The following CYP2F1 variants were observed in gnomAD, a reference collection of about 807,000 sequenced individuals.
CYP2F1 encodes the protein cytochrome P450 family 2 subfamily F member 1, also known as cytochrome P450 2F1.
CYP2F1 carries 33 observed loss-of-function variants against 40.4 expected under a neutral mutation model. That is an observed-to-expected ratio of 0.82 (90% CI 0.62 to 1.09). The LOEUF (loss-of-function observed/expected upper bound fraction) is 1.09, where lower values mean the gene tolerates loss of function less well. Ranked by LOEUF, CYP2F1 falls within the 50% of genes least tolerant of loss-of-function variation. The pLI, the probability that CYP2F1 is intolerant of heterozygous loss-of-function variation, is 0.00. For synonymous variants in CYP2F1, 235 were observed against 277.2 expected, an observed-to-expected ratio of 0.85 and a Z score of 1.51; for missense variants, 566 against 655.7, an observed-to-expected ratio of 0.86 and a Z score of 1.49.
At position 41,119,683 on chromosome 19, in the gene CYP2F1, G is replaced by A. The variant is rs1279503090; in HGVS notation, c.335-664G>A. On this transcript the variant is annotated intron_variant, in intron 3 of 9. Transcript: ENST00000331105. Reference sequence around the variant, plus strand: ...CAGCCTGGCAACAGAGCAAGACTCCGTCTCTCTCTCTCTCTCTCTCTCTCT... The same window carrying A: ...CAGCCTGGCAACAGAGCAAGACTCCATCTCTCTCTCTCTCTCTCTCTCTCT... Among the ~76,000 whole-genome samples the A allele has an allele frequency of 2.2e-4, 3 of 13,410 alleles. 1 individual carries two copies. The highest frequency in any genetic ancestry group is 7.7e-4 in the African/African-American group (3 of 3,910). The allele number at this position is 13,410 out of a possible 152,430, so 8.8% of individuals were successfully genotyped here.
At chr19:41,123,226 C>T (rs1377502651) in intron 7 of CYP2F1, 1 of 553,980 alleles carries the variant, frequency 1.8e-6, no homozygotes. Flanking sequence ...GAGACGGAGT[C>T]TGGCTCTGTC....
chr19:41,123,474 T>TC, intron 7 of CYP2F1: 1 of 333,544 alleles, frequency 3.0e-6, no homozygotes, highest in South Asian at 2.4e-5. Context: ...TGCCTCAGCC[T>TC]CCCAAAGTGC....
intron 5 of CYP2F1, 30 bp downstream of exon 5, chr19:41,121,648 G>C (rs200646568): frequency 0.084 from 133,483 of 1,588,930 alleles, 7,591 homozygotes; most frequent in Admixed American, 0.18. Flanking sequence ...CAGGGGCAGG[G>C]TGTGGGGTCC....
In CYP2F1 at chr19:41,128,063, T is replaced by C. The variant is rs1340054820; in HGVS notation, c.1457T>C (p.Leu486Pro). The C allele has an allele frequency of 1.9e-6, 3 of 1,606,546 alleles. No individual in the cohort carries two copies. Among genetic ancestry groups the C allele is most frequent in the South Asian group, 1.1e-5 (1 of 90,820 alleles). The change falls in exon 10 of 10, where the codon CTG becomes CCG. Residue 486 changes from leucine to proline, a missense_variant. Leu to Pro is a moderately conservative substitution (Grantham distance 98). Transcript: ENST00000331105. ...GGCAATTTGCCGCGGCCTTTCCAGC[T>C]GTGCCTGCGCCCGCGCTAACGCCCC... ...GLGNLPRPFQ[L>P]CLRPR
At chr19:41,117,645 G>A (rs990559972) in intron 3 of CYP2F1, among the ~76,000 whole-genome samples, 1 of 151,914 alleles carries the variant, frequency 6.6e-6, no homozygotes, top group Admixed American at 6.6e-5. Context: ...CACATCACCA[G>A]CTTCAAATAC....
At position 41,116,040 on chromosome 19, in the gene CYP2F1, C is replaced by A. The variant is rs1239297642; in HGVS notation, c.-11-138C>A. 6 of 717,492 alleles carry A rather than the reference C, an allele frequency of 8.4e-6. No individual in the cohort carries two copies. In the Admixed American group the frequency reaches 1.7e-4, roughly 21 times the overall value. 44.4% of individuals were successfully genotyped at this position (717,492 alleles called of 1,614,324 possible). A position where few individuals can be genotyped will look rare whatever the true frequency, so the allele number is the denominator to read the frequency against. On this transcript the variant is annotated intron_variant, in intron 1 of 9. Coordinates refer to ENST00000331105, the MANE Select transcript of CYP2F1 (RefSeq NM_000774.5). ...CTCTTTCCTCCTTTCTCCCTCCCTT[C>A]CCCATCCCCTGGCCTCTCCCTGTCT...
chr19:41,127,534 GTGTTGCCCAGGCTGC>G (rs1322720529), intron 9 of CYP2F1, among the ~76,000 whole-genome samples: 11 of 152,174 alleles, frequency 7.2e-5, no homozygotes, highest in Non-Finnish European at 2.9e-5. Context: ...GGATCTTGCT[GTGTTGCCCAGGCTGC>G]TCTCAAACTC....
rs1011909671 is a variant in CYP2F1 at position 41,127,965 on chromosome 19, C to G, written c.1359C>G (p.Ile453Met). 1 of 1,613,570 alleles carries G rather than the reference C, an allele frequency of 6.2e-7. No individual in the cohort carries two copies. Among genetic ancestry groups the G allele is most frequent in the Non-Finnish European group, 8.5e-7 (1 of 1,179,984 alleles). ...RMELFLYLTA[I>M]LQSFSLQPLG... ...AGCTCTTTCTGTACCTCACCGCCAT[C>G]CTGCAGAGCTTTTCGCTGCAGCCGC... Residue 453 changes from isoleucine (I) to methionine (M), a missense_variant, in exon 10 of 10, where the codon ATC (isoleucine) becomes ATG (methionine). This residue lies in a region of CYP2F1 where 85 missense variants were observed against 84.9 expected (regional missense o/e 1.00). Coordinates refer to ENST00000331105, the MANE Select transcript of CYP2F1 (RefSeq NM_000774.5).
chr19:41,119,748 T>TATATATATATATATACATATACAC, intron 3 of CYP2F1, among the ~76,000 whole-genome samples: 1 of 36,104 alleles, frequency 2.8e-5, no homozygotes, highest in East Asian at 1.2e-3. Flanking sequence ...TATATATATA[T>TATATATATATATATACATATACAC]ACACACACAC....
At chr19:41,124,227 CT>C (rs60423713) in intron 7 of CYP2F1, among the ~76,000 whole-genome samples, 7,641 of 56,304 alleles carry the variant, frequency 0.14, 882 homozygotes, top group African/African-American at 0.24. Context: ...CTGGCTAATT[CT>C]TTTTTTTTTT....
At chr19:41,119,723 C>CTCTCTCTCTCTCTCTCTA (rs1478574507) in intron 3 of CYP2F1, among the ~76,000 whole-genome samples, 2 of 35,806 alleles carry the variant, frequency 5.6e-5, no homozygotes, top group African/African-American at 9.9e-5. Context: ...CTCTCTCTCT[C>CTCTCTCTCTCTCTCTCTA]TATATATATA....
intron 3 of CYP2F1, 56 bp from the exon 4 acceptor site, chr19:41,120,291 G>A (rs1199316268): frequency 1.3e-6 from 2 of 1,505,426 alleles, no homozygotes; most frequent in African/African-American, 2.8e-5. Flanking sequence ...GGACCTGGGT[G>A]GCAGTGGCCT....
chr19:41,116,369 C>G lies in CYP2F1; in HGVS notation c.171+10C>G, dbSNP rs937837637. 2 of 1,613,182 alleles carry G rather than the reference C, an allele frequency of 1.2e-6. No homozygotes were observed. The highest frequency in any genetic ancestry group is 2.2e-5 in the East Asian group (1 of 44,866). Reference sequence around the variant, plus strand: ...GACTTCTCTCACTAAGGTGCAAGGCCCTTAGCTTGGGTGATGGTGGAAGGA... The same window carrying G: ...GACTTCTCTCACTAAGGTGCAAGGCGCTTAGCTTGGGTGATGGTGGAAGGA... On this transcript the variant is annotated intron_variant, in intron 2 of 9. Coordinates refer to ENST00000331105, the MANE Select transcript of CYP2F1 (RefSeq NM_000774.5).
intron 5 of CYP2F1, 121 bp from the exon 6 acceptor site, chr19:41,121,836 C>T: frequency 2.9e-6 from 3 of 1,049,386 alleles, no homozygotes; most frequent in East Asian, 2.7e-5. Flanking sequence ...CCCCAACCCC[C>T]ACCCCGGACC....
Position 41,124,587 on chromosome 19 carries a change from C to A in CYP2F1, c.965-132C>A, listed in dbSNP as rs761551246. ...CAGCTCTAGCTAATTCTCACGTGCG[C>A]CCCAGCAGTGGCGCCCCGCGCTGGG... On this transcript the variant is annotated intron_variant, in intron 7 of 9. Coordinates refer to ENST00000331105, the MANE Select transcript of CYP2F1 (RefSeq NM_000774.5). 8 of 821,228 alleles carry A rather than the reference C, an allele frequency of 9.7e-6. 1 individual carries two copies. The highest frequency in any genetic ancestry group is 3.5e-5 in the African/African-American group (2 of 57,644). The allele number at this position is 821,228 out of a possible 1,614,324, so 50.9% of individuals were successfully genotyped here.
In CYP2F1 at chr19:41,121,445, T is replaced by C. The variant is rs766834988; in HGVS notation, c.485-13T>C. 3 of 1,606,340 alleles carry C rather than the reference T, an allele frequency of 1.9e-6. No individual in the cohort carries two copies. The highest frequency in any genetic ancestry group is 2.5e-6 in the Non-Finnish European group (3 of 1,178,068). On this transcript the variant is annotated splice_polypyrimidine_tract_variant and intron_variant, in intron 4 of 9. Transcript: ENST00000331105. ...ATCGCGTCTTCCTGATCCATTGCAC[T>C]CCTTACCCTCAGGCGAGCCCTTTGA... is the stretch of plus-strand genomic sequence containing the variant.
intron 1 of CYP2F1, among the ~76,000 whole-genome samples, chr19:41,115,252 C>T (rs1032933836): frequency 3.9e-5 from 6 of 152,108 alleles, no homozygotes; most frequent in African/African-American, 1.4e-4. Context: ...CTGTCTCTCC[C>T]TCTCTCTGTC....
chr19:41,121,380 A>G lies in CYP2F1; in HGVS notation c.485-78A>G, dbSNP rs143953786. ...GCCATGGTTGAGTCGGATGTTGTAC[A>G]AATTAATGGTGTTGCTGCATGAGGT... On this transcript the variant is annotated intron_variant, in intron 4 of 9. Coordinates refer to ENST00000331105, the MANE Select transcript of CYP2F1 (RefSeq NM_000774.5). 11 of 1,413,862 alleles carry G rather than the reference A, an allele frequency of 7.8e-6. No homozygotes were observed. In the Middle Eastern group the frequency reaches 5.5e-4, roughly 71 times the overall value. The allele number at this position is 1,413,862 out of a possible 1,614,324, so 87.6% of individuals were successfully genotyped here.
In CYP2F1 at chr19:41,120,344, C is replaced by T; in HGVS notation, c.335-3C>T. ...TAAGCTGGTCCCCTCCTCTTCTCCC[C>T]AGGCATCGCCTTCTCCAGTGGGGAT... On this transcript the variant is annotated splice_region_variant and splice_polypyrimidine_tract_variant and intron_variant, in intron 3 of 9. Transcript: ENST00000331105. 4 of 1,586,188 alleles carry T rather than the reference C, an allele frequency of 2.5e-6. No individual in the cohort carries two copies. Among genetic ancestry groups the T allele is most frequent in the Non-Finnish European group, 3.4e-6 (4 of 1,168,470 alleles).
Sources: gnomAD v4.1 joint callset for allele counts (sites outside exome capture counted in the v4.1 genomes callset) on GRCh38, gnomAD v4.1.1 for gene constraint, gnomAD v4.1.1 regional missense constraint, MANE v1.5 for transcripts, NCBI Gene and HGNC (gene_info 2026-07-23, HGNC 2026-07-21) for gene names.